The following UTP20 variants were observed in gnomAD, a reference collection of about 807,000 sequenced individuals.
The protein encoded by UTP20 is small subunit processome component 20 homolog.
Under a neutral mutation model 329.5 loss-of-function variants are expected in UTP20, and 164 were observed. The ratio of observed to expected loss-of-function variants is 0.50; its 90% confidence interval spans 0.44 to 0.57. The LOEUF is 0.57. Among genes scored for constraint, UTP20 ranks in the 20% least tolerant of loss-of-function variants. The pLI, the probability that UTP20 is intolerant of heterozygous loss-of-function variation, is 0.00. For missense variants in UTP20, 3,055 were observed against 3,284.2 expected (o/e 0.93, Z 1.71); for synonymous variants, 1,151 against 1,159.3 (o/e 0.99, Z 0.14).
In UTP20 at chr12:101,329,469, CT is replaced by C; in HGVS notation, c.3417+23del. 6.3e-7 allele frequency: 1 copy of C among 1,595,948 alleles called. No individual in the cohort carries two copies. Among genetic ancestry groups the C allele is most frequent in the Non-Finnish European group, 8.6e-7 (1 of 1,165,198 alleles). ...GAAAAGGTTAGATTCACTATAGATG[CT>C]TTCAAGTCAAGTGCTTGAACTGATA... On this transcript the variant is annotated intron_variant, in intron 27 of 61. Coordinates refer to ENST00000261637, the MANE Select transcript of UTP20 (RefSeq NM_014503.3).
At chr12:101,361,313 GTCT>G (rs1262971612) in intron 43 of UTP20, among the ~76,000 whole-genome samples, 1 of 151,878 alleles carries the variant, frequency 6.6e-6, no homozygotes, top group Non-Finnish European at 1.5e-5. Context: ...TCACAGGTTG[GTCT>G]TCTTTCTTTA....
At chr12:101,374,727 A>G (rs1365107880) in intron 54 of UTP20, 81 bp from the exon 55 acceptor site, 2 of 748,714 alleles carry the variant, frequency 2.7e-6, no homozygotes, top group African/African-American at 3.5e-5. Flanking sequence ...TGAGGACAAA[A>G]TAATGCCCAC....
chr12:101,369,458 A>G (rs538878070), intron 48 of UTP20, among the ~76,000 whole-genome samples: 5 of 152,266 alleles, frequency 3.3e-5, no homozygotes, highest in Admixed American at 3.3e-4. Flanking sequence ...AATTGTAAAA[A>G]GAATATGGTG....
chr12:101,355,226 T>G (rs1429424271), intron 41 of UTP20, 108 bp downstream of exon 41: 23 of 1,311,696 alleles, frequency 1.8e-5, no homozygotes, highest in Middle Eastern at 2.0e-4. Context: ...GCTTTTAGAT[T>G]TCCTTTTATC....
intron 28 of UTP20, 68 bp from the exon 29 acceptor site, chr12:101,334,357 A>T: frequency 1.5e-6 from 2 of 1,316,994 alleles, no homozygotes; most frequent in African/African-American, 1.5e-5. Flanking sequence ...TGTACTTGTT[A>T]GTTATTTGTG....
At chr12:101,333,601 C>T (rs952035843) in intron 28 of UTP20, among the ~76,000 whole-genome samples, 157 bp downstream of exon 28, 2 of 152,118 alleles carry the variant, frequency 1.3e-5, no homozygotes, top group African/African-American at 4.8e-5. Context: ...CTTTTCTTTG[C>T]CTTCACTACC....
chr12:101,359,039 C>A lies in UTP20; in HGVS notation c.5691+1957C>A, dbSNP rs374821226. ...GCTTCTTGACCAAATTTGAAGACTT[C>A]GGCCAGTATTTCTTTGTTTTTTTGT... On this transcript the variant is annotated intron_variant, in intron 43 of 61. Transcript: ENST00000261637. Among the ~76,000 whole-genome samples, 5 of 151,982 alleles carry A rather than the reference C, an allele frequency of 3.3e-5. No homozygotes were observed. The South Asian group carries it at 1.0e-3, about 32-fold the overall frequency.
At chr12:101,350,390 C>G (rs1271975267) in intron 38 of UTP20, among the ~76,000 whole-genome samples, 2 of 152,136 alleles carry the variant, frequency 1.3e-5, no homozygotes, top group Non-Finnish European at 2.9e-5. Flanking sequence ...AGGCTAGTCT[C>G]AAGTGATCCT....
chr12:101,306,873 C>T (rs183754016), intron 17 of UTP20, 112 bp downstream of exon 17: 29 of 1,123,694 alleles, frequency 2.6e-5, no homozygotes, highest in East Asian at 2.3e-4. Flanking sequence ...AAATATCTGT[C>T]GTAAAAATTG....
At chr12:101,340,115 G>A (rs1007278215) in intron 31 of UTP20, among the ~76,000 whole-genome samples, 5 of 152,154 alleles carry the variant, frequency 3.3e-5, no homozygotes, top group African/African-American at 2.4e-5. Flanking sequence ...TCAGGCTGAT[G>A]ATTCCTATAT....
At chr12:101,383,420 C>A in intron 59 of UTP20, 107 bp downstream of exon 59, 1 of 1,484,350 alleles carries the variant, frequency 6.7e-7, no homozygotes, top group Non-Finnish European at 9.1e-7. Context: ...CTTTGAACCC[C>A]AAACTGCAGC....
chr12:101,373,788 C>T, intron 54 of UTP20, 21 bp downstream of exon 54: 1 of 1,605,812 alleles, frequency 6.2e-7, no homozygotes, highest in Non-Finnish European at 8.5e-7. Flanking sequence ...CTTTTAGTCA[C>T]AGTTCAGTGA....
intron 15 of UTP20, among the ~76,000 whole-genome samples, chr12:101,305,130 T>C (rs758047330): frequency 6.6e-6 from 1 of 151,898 alleles, no homozygotes; most frequent in Non-Finnish European, 1.5e-5. Context: ...CTTTTTCCCC[T>C]GGTTTTCTGG....
chr12:101,327,521 G>C (rs148762467), intron 26 of UTP20, among the ~76,000 whole-genome samples: 1 of 152,120 alleles, frequency 6.6e-6, no homozygotes, highest in Non-Finnish European at 1.5e-5. Flanking sequence ...TTGAAAAATG[G>C]TTATTACTTA....
intron 27 of UTP20, among the ~76,000 whole-genome samples, chr12:101,332,248 A>G (rs2137269472): frequency 6.6e-6 from 1 of 152,294 alleles, no homozygotes; most frequent in Middle Eastern, 3.4e-3. Context: ...GAGGCAGGAG[A>G]ATCACTTGAA....
At chr12:101,384,290 C>T (rs1377232917) in intron 60 of UTP20, among the ~76,000 whole-genome samples, 2 of 152,166 alleles carry the variant, frequency 1.3e-5, no homozygotes, top group Admixed American at 6.5e-5. Context: ...GCCTGTAATC[C>T]CACACTTTGG....
rs745656935 is a variant in UTP20, at chr12:101,352,081, A to G, written c.4911A>G (p.Thr1637=). The change falls in exon 39 of 62, where the codon ACA becomes ACG. Residue 1637 remains threonine (T), a synonymous_variant. Transcript: ENST00000261637. ...ATGAAAATATAACCACTGCTGCCAC[A>G]GAGATTATTGGAGCCATTTGCAAAC... ...LKHENITTAA[T]EIIGAICKHL... The G allele has an allele frequency of 5.0e-6, 8 of 1,613,784 alleles. No homozygotes were observed. The highest frequency in any genetic ancestry group is 5.1e-6 in the Non-Finnish European group (6 of 1,179,944).
chr12:101,329,427 A>G lies in UTP20; in HGVS notation c.3395A>G (p.His1132Arg), dbSNP rs1215092571. 1.9e-6 allele frequency: 3 copies of G among 1,613,042 alleles called. No individual in the cohort carries two copies. The Admixed American group carries it at 5.0e-5, about 27-fold the overall frequency. ...ILLCMTATVS[H>R]ILDQREKIQL... ...CTCTGTATGACAGCAACCGTATCAC[A>G]CATCCTTGACCAACGAGAAAAGGTT... Residue 1132 changes from histidine to arginine, a missense_variant, in exon 27 of 62, where the codon CAC becomes CGC. Around this residue, in one of 3 missense-constraint regions of UTP20, gnomAD observed 2,445 missense variants for 2,575.5 expected, o/e 0.95. Transcript: ENST00000261637.
At position 101,306,116 on chromosome 12, in the gene UTP20, A is replaced by G. The variant is rs772247264; in HGVS notation, c.1932+51A>G. 10 of 1,532,350 alleles carry G rather than the reference A, an allele frequency of 6.5e-6. No individual in the cohort carries two copies. The South Asian group carries it at 1.0e-4, about 16-fold the overall frequency. The allele number at this position is 1,532,350 out of a possible 1,614,324, so 94.9% of individuals were successfully genotyped here. A position where few individuals can be genotyped will look rare whatever the true frequency, so the allele number is the denominator to read the frequency against. ...CCTCAGTCTCTCTTCTCCTGTTTCT[A>G]TATGGACTGCAGTGGTTTTCAGAGC... On this transcript the variant is annotated intron_variant, in intron 16 of 61. Transcript: ENST00000261637.
Sources: gnomAD v4.1 joint callset for allele counts (sites outside exome capture counted in the v4.1 genomes callset) on GRCh38, gnomAD v4.1.1 for gene constraint, gnomAD v4.1.1 regional missense constraint, MANE v1.5 for transcripts, NCBI Gene and HGNC (gene_info 2026-07-23, HGNC 2026-07-21) for gene names.